ZBTB43: variants seen among roughly 807,000 people sequenced by gnomAD.
ZBTB43 encodes zinc finger and BTB domain-containing protein 43.
A neutral mutation model predicts 31.1 loss-of-function variants in ZBTB43; 6 were observed. That is an observed-to-expected ratio of 0.19 (90% CI 0.11 to 0.38). ZBTB43 has a LOEUF of 0.38. ZBTB43 is among the 10% of genes least tolerant of loss of function. The probability of loss-of-function intolerance (pLI) is 1.00; values close to 1 mark genes in which losing one functional copy is unlikely to be tolerated. For synonymous variants in ZBTB43, 212 were observed against 221.7 expected, an observed-to-expected ratio of 0.96 and a Z score of 0.39; for missense variants, 379 against 602.1, an observed-to-expected ratio of 0.63 and a Z score of 3.88.
chr9:126,815,244 A>G (rs199535683), intron 2 of ZBTB43, among the ~76,000 whole-genome samples: 1 of 31,038 alleles, frequency 3.2e-5, no homozygotes, highest in Non-Finnish European at 7.7e-5. Flanking sequence ...ATATAAAACT[A>G]TATATATATA....
chr9:126,820,167 A>G (rs1016799525), intron 2 of ZBTB43, among the ~76,000 whole-genome samples: 1 of 152,244 alleles, frequency 6.6e-6, no homozygotes, highest in Non-Finnish European at 1.5e-5. Flanking sequence ...GATAATTGGT[A>G]AAGATGGCTG....
chr9:126,822,927 C>CT (rs1554741991), intron 2 of ZBTB43, among the ~76,000 whole-genome samples: 4 of 150,154 alleles, frequency 2.7e-5, no homozygotes, highest in Non-Finnish European at 4.5e-5. Flanking sequence ...AAGGTGAGTA[C>CT]TTTTTTTTTT....
chr9:126,805,314 G>T (rs529650126), intron 1 of ZBTB43, among the ~76,000 whole-genome samples, 182 bp downstream of exon 1: 1 of 152,322 alleles, frequency 6.6e-6, no homozygotes, highest in African/African-American at 2.4e-5. Flanking sequence ...TCCGAATCCC[G>T]CAGTCTTCTG....
intron 1 of ZBTB43, among the ~76,000 whole-genome samples, chr9:126,806,949 G>C (rs2032139362): frequency 6.6e-6 from 1 of 152,102 alleles, no homozygotes; most frequent in African/African-American, 2.4e-5. Context: ...TGATAATTAT[G>C]CTTTTCACAG....
chr9:126,829,682 T>C (rs1015285613), intron 2 of ZBTB43, among the ~76,000 whole-genome samples: 4 of 113,764 alleles, frequency 3.5e-5, no homozygotes, highest in African/African-American at 1.0e-4. Flanking sequence ...TAGGAATAAA[T>C]GATGGGAGAG....
chr9:126,814,028 G>A (rs1245183941), intron 2 of ZBTB43, among the ~76,000 whole-genome samples: 3 of 152,224 alleles, frequency 2.0e-5, no homozygotes, highest in Non-Finnish European at 4.4e-5. Flanking sequence ...TATTTGTAGA[G>A]TATATAGGTA....
At position 126,829,968 on chromosome 9, in the gene ZBTB43, G is replaced by A. The variant is rs1490728637; in HGVS notation, c.-23-2519G>A. ...TGAAATGTTTTAAGATGTATAAAAC[G>A]ATAAATTAATACTTCACTCTAAAAA... On this transcript the variant is annotated intron_variant, in intron 2 of 2. Transcript: ENST00000373464. Among the ~76,000 whole-genome samples, 9 of 152,172 alleles carry A rather than the reference G, an allele frequency of 5.9e-5. No homozygotes were observed. In the East Asian group the frequency reaches 1.3e-3, roughly 23 times the overall value.
At chr9:126,810,237 C>T (rs2119109408) in intron 2 of ZBTB43, among the ~76,000 whole-genome samples, 1 of 152,150 alleles carries the variant, frequency 6.6e-6, no homozygotes, top group East Asian at 1.9e-4. Flanking sequence ...TCTTGTTGCC[C>T]AGGCTGGAGT....
chr9:126,805,518 C>G (rs1240295977), intron 1 of ZBTB43, among the ~76,000 whole-genome samples: 60 of 152,352 alleles, frequency 3.9e-4, no homozygotes, highest in Non-Finnish European at 4.4e-5. Context: ...TGAGGCCTGA[C>G]GAGCCGAGCT....
intron 2 of ZBTB43, among the ~76,000 whole-genome samples, chr9:126,814,325 AATGTAAATTTTACAT>A (rs2032322633): frequency 2.7e-5 from 4 of 149,616 alleles, no homozygotes; most frequent in Admixed American, 6.6e-5. Context: ...ACATCTGTAA[AATGTAAATTTTACAT>A]CTGTAAAAAT....
chr9:126,832,539 A>G lies in ZBTB43; in HGVS notation c.30A>G (p.Val10=), dbSNP rs1463387834. 6.2e-7 allele frequency: 1 copy of G among 1,608,750 alleles called. No homozygotes were observed. The highest frequency in any genetic ancestry group is 1.7e-5 in the Admixed American group (1 of 59,900). The change falls in exon 3 of 3, where the codon GTA becomes GTG. Residue 10 remains valine (V), a synonymous_variant. Coordinates refer to ENST00000373464, the MANE Select transcript of ZBTB43 (RefSeq NM_014007.4). Reference sequence around the variant, plus strand: ...AGCCTGGAACAAACTCTTTTCGGGTAGAATTTCCTGATTTTTCCAGCACCA... The same window carrying G: ...AGCCTGGAACAAACTCTTTTCGGGTGGAATTTCCTGATTTTTCCAGCACCA... The part of the protein sequence containing the change: MEPGTNSFR[V]EFPDFSSTIL...
intron 2 of ZBTB43, among the ~76,000 whole-genome samples, chr9:126,830,102 G>A (rs7862570): frequency 0.1 from 15,622 of 152,120 alleles, 2,482 homozygotes; most frequent in African/African-American, 0.34. Flanking sequence ...ATCCAGACCT[G>A]GATTCACATC....
intron 2 of ZBTB43, chr9:126,831,681 G>A (rs1252542187): frequency 2.6e-5 from 4 of 151,890 alleles, no homozygotes; most frequent in Non-Finnish European, 5.9e-5. Flanking sequence ...CAGCTGGCGT[G>A]GTGGCTCACA....
chr9:126,833,162 G>A lies in ZBTB43; in HGVS notation c.653G>A (p.Gly218Asp). ...TEMASQDGEEGASDSAEFHYT... is the reference protein window; with the variant it reads ...TEMASQDGEEDASDSAEFHYT... ...ATGGCAAGCCAGGATGGGGAGGAGG[G>A]CGCCAGCGACAGCGCCGAGTTCCAC... Residue 218 changes from glycine (G) to aspartate (D), a missense_variant, in exon 3 of 3, where the codon GGC becomes GAC. Around this residue, in one of 5 missense-constraint regions of ZBTB43, gnomAD observed 253 missense variants for 322.3 expected, o/e 0.79. Coordinates refer to ENST00000373464, the MANE Select transcript of ZBTB43 (RefSeq NM_014007.4). The surrounding 1 kb of genome is among the most constrained non-coding windows in gnomAD (Gnocchi z 7.9). 1 of 1,613,946 alleles carries A rather than the reference G, an allele frequency of 6.2e-7. No homozygotes were observed. The highest frequency in any genetic ancestry group is 8.5e-7 in the Non-Finnish European group (1 of 1,180,042).
At chr9:126,817,304 T>C (rs1319452967) in intron 2 of ZBTB43, among the ~76,000 whole-genome samples, 1 of 150,482 alleles carries the variant, frequency 6.6e-6, no homozygotes. Context: ...AGAGATGGGG[T>C]CTTGCTATGT....
intron 2 of ZBTB43, among the ~76,000 whole-genome samples, chr9:126,814,873 C>G (rs1286295394): frequency 6.6e-6 from 1 of 151,932 alleles, no homozygotes; most frequent in Non-Finnish European, 1.5e-5. Flanking sequence ...TCTAAGTTGA[C>G]AGGCCTTTCC....
intron 2 of ZBTB43, among the ~76,000 whole-genome samples, chr9:126,822,927 C>CTTTT (rs1554741991): frequency 6.7e-6 from 1 of 150,158 alleles, no homozygotes; most frequent in Non-Finnish European, 1.5e-5. Context: ...AAGGTGAGTA[C>CTTTT]TTTTTTTTTT....
intron 2 of ZBTB43, among the ~76,000 whole-genome samples, chr9:126,830,603 A>G (rs1349730098): frequency 6.6e-6 from 1 of 152,216 alleles, no homozygotes; most frequent in Non-Finnish European, 1.5e-5. Flanking sequence ...AGCTGTGATC[A>G]CACCACTGTA....
intron 2 of ZBTB43, among the ~76,000 whole-genome samples, chr9:126,810,592 C>T (rs1447083235): frequency 1.3e-5 from 2 of 150,854 alleles, no homozygotes; most frequent in East Asian, 2.0e-4. Flanking sequence ...CCTCTGCCTC[C>T]CGGGTTCAAG....
Sources: allele counts gnomAD v4.1 joint callset (sites outside exome capture counted in the v4.1 genomes callset), GRCh38; gene constraint gnomAD v4.1.1; regional missense constraint gnomAD v4.1.1; non-coding constraint Gnocchi (gnomAD v3.1); transcripts MANE v1.5; gene names NCBI Gene and HGNC (gene_info 2026-07-23, HGNC 2026-07-21).